Variants in CSMD1 observed in about 807,000 individuals in gnomAD.
The protein encoded by CSMD1 is CUB and Sushi multiple domains 1.
A neutral mutation model predicts 417.5 loss-of-function variants in CSMD1; 213 were observed. That is an observed-to-expected ratio of 0.51 (90% CI 0.46 to 0.57). The LOEUF is 0.57. Ranked by LOEUF, CSMD1 falls within the 20% of genes least tolerant of loss-of-function variation. The pLI is 0.00. For synonymous variants in CSMD1, 2,862 were observed against 1,736.8 expected, an observed-to-expected ratio of 1.65 and a Z score of -16.11; for missense variants, 6,923 against 4,529.7, an observed-to-expected ratio of 1.53 and a Z score of -15.17.
intron 3 of CSMD1, among the ~76,000 whole-genome samples, chr8:4,364,999 C>G (rs890375630): frequency 5.3e-5 from 8 of 152,106 alleles, no homozygotes; most frequent in African/African-American, 1.4e-4. Flanking sequence ...CATTTATATT[C>G]TAATGGAACT....
At chr8:4,644,234 A>G (rs1051945527) in intron 1 of CSMD1, among the ~76,000 whole-genome samples, 3 of 152,100 alleles carry the variant, frequency 2.0e-5, no homozygotes, top group Non-Finnish European at 4.4e-5. Context: ...TTCCTTGAAC[A>G]CACCACGCTT....
chr8:3,689,643 C>T (rs1800130213), intron 7 of CSMD1, among the ~76,000 whole-genome samples: 1 of 152,130 alleles, frequency 6.6e-6, no homozygotes, highest in African/African-American at 2.4e-5. Flanking sequence ...TGTGGCAGGC[C>T]TGGTTCTGAA....
Position 3,081,143 on chromosome 8 carries a change from G to C in CSMD1, c.7474+5954C>G, listed in dbSNP as rs1420209909. Reference sequence around the variant, plus strand: ...ATCCACATGGTTTATAAGATTGGTAGCTGGAGGGCCTAAAAGAGAATGAGC... The same window carrying C: ...ATCCACATGGTTTATAAGATTGGTACCTGGAGGGCCTAAAAGAGAATGAGC... On this transcript the variant is annotated intron_variant, in intron 49 of 69. Transcript: ENST00000635120. Among the ~76,000 whole-genome samples, 3 of 152,316 alleles carry C rather than the reference G, an allele frequency of 2.0e-5. No homozygotes were observed. In the East Asian group the frequency reaches 5.8e-4, roughly 29 times the overall value.
chr8:3,546,582 C>G (rs1798674329), intron 10 of CSMD1, among the ~76,000 whole-genome samples: 1 of 151,862 alleles, frequency 6.6e-6, no homozygotes, highest in African/African-American at 2.4e-5. Flanking sequence ...TTGTTCTCCT[C>G]ACAGTACTGA....
intron 1 of CSMD1, among the ~76,000 whole-genome samples, chr8:4,932,280 A>G (rs1236389635): frequency 6.6e-6 from 1 of 152,090 alleles, no homozygotes; most frequent in African/African-American, 2.4e-5. Flanking sequence ...AATTTTACAT[A>G]AAATTGTCTT....
intron 1 of CSMD1, among the ~76,000 whole-genome samples, chr8:4,794,727 A>T (rs1250254510): frequency 1.3e-5 from 2 of 152,230 alleles, no homozygotes; most frequent in African/African-American, 4.8e-5. Flanking sequence ...TTCTCAGGAA[A>T]AAAGCTCTGA....
intron 2 of CSMD1, among the ~76,000 whole-genome samples, chr8:4,545,669 G>T (rs950359682): frequency 2.0e-5 from 3 of 152,152 alleles, no homozygotes; most frequent in Non-Finnish European, 4.4e-5. Flanking sequence ...TTCCCAGTGT[G>T]CAGTGAGACA....
chr8:4,894,079 C>G (rs1804313784), intron 1 of CSMD1, among the ~76,000 whole-genome samples: 1 of 152,030 alleles, frequency 6.6e-6, no homozygotes, highest in South Asian at 2.1e-4. Flanking sequence ...TGAATTTTAA[C>G]TAGCTTACCA....
chr8:3,941,120 C>G (rs1303134818), intron 5 of CSMD1, among the ~76,000 whole-genome samples: 3 of 151,718 alleles, frequency 2.0e-5, no homozygotes, highest in Admixed American at 1.3e-4. Flanking sequence ...ATAAAAATAA[C>G]TCATATGTAT....
intron 1 of CSMD1, among the ~76,000 whole-genome samples, chr8:4,711,513 C>T (rs1354112458): frequency 6.7e-6 from 1 of 150,120 alleles, no homozygotes; most frequent in African/African-American, 2.5e-5. Flanking sequence ...ATTTTTGGGA[C>T]ATCTGTCCTG....
intron 5 of CSMD1, among the ~76,000 whole-genome samples, chr8:3,863,582 C>G (rs947295902): frequency 6.6e-6 from 1 of 152,094 alleles, no homozygotes; most frequent in African/African-American, 2.4e-5. Context: ...AAAATATAAT[C>G]TAAGCCTGAC....
intron 5 of CSMD1, among the ~76,000 whole-genome samples, chr8:3,845,409 C>A (rs948526842): frequency 3.9e-5 from 6 of 152,126 alleles, no homozygotes; most frequent in South Asian, 2.1e-4. Context: ...AATGGTTACA[C>A]AGTGATAGAT....
At chr8:3,604,490 G>A (rs1443313659) in intron 8 of CSMD1, among the ~76,000 whole-genome samples, 1 of 152,144 alleles carries the variant, frequency 6.6e-6, no homozygotes, top group Non-Finnish European at 1.5e-5. Context: ...TCATAGAAAT[G>A]AAGACGTGCT....
chr8:3,013,727 G>C (rs965888464), intron 52 of CSMD1, among the ~76,000 whole-genome samples: 7 of 150,778 alleles, frequency 4.6e-5, no homozygotes, highest in Non-Finnish European at 7.4e-5. Flanking sequence ...ACTCAGCCTG[G>C]GCAACTGAGA....
At chr8:4,511,884 G>T (rs553979509) in intron 2 of CSMD1, among the ~76,000 whole-genome samples, 1 of 152,116 alleles carries the variant, frequency 6.6e-6, no homozygotes, top group Non-Finnish European at 1.5e-5. Context: ...CCTGCTTCCA[G>T]CTTGGGGAGG....
intron 2 of CSMD1, among the ~76,000 whole-genome samples, chr8:4,469,272 C>T (rs1800378739): frequency 6.6e-6 from 1 of 152,186 alleles, no homozygotes; most frequent in Non-Finnish European, 1.5e-5. Context: ...GCAGCAAAGA[C>T]ACTATGATTG....
chr8:2,969,266 C>G (rs1804230017), intron 57 of CSMD1, among the ~76,000 whole-genome samples: 1 of 152,136 alleles, frequency 6.6e-6, no homozygotes, highest in Non-Finnish European at 1.5e-5. Flanking sequence ...CATCATCACT[C>G]TTACTTATTG....
chr8:4,634,083 C>G (rs1199482796), intron 2 of CSMD1, among the ~76,000 whole-genome samples: 2 of 151,224 alleles, frequency 1.3e-5, no homozygotes, highest in Non-Finnish European at 2.9e-5. Context: ...GTCCAAATTT[C>G]TTCCCTGTGC....
At position 3,752,637 on chromosome 8, in the gene CSMD1, G is replaced by C. The variant is rs73188904; in HGVS notation, c.931+1293C>G. Among the ~76,000 whole-genome samples, 222 of 125,900 alleles carry C rather than the reference G, an allele frequency of 1.8e-3. 1 individual carries two copies. The highest frequency in any genetic ancestry group is 2.4e-3 in the Non-Finnish European group (153 of 64,188). 82.6% of individuals were successfully genotyped at this position (125,900 alleles called of 152,430 possible). ...CCACTGCACTCCAGCCCAGACAACA[G>C]AGCAAGACTCTGTCCACTGCCACCC... On this transcript the variant is annotated intron_variant, in intron 6 of 69. Coordinates refer to ENST00000635120, the MANE Select transcript of CSMD1 (RefSeq NM_033225.6).
Sources: gnomAD v4.1 joint callset for allele counts (sites outside exome capture counted in the v4.1 genomes callset) on GRCh38, gnomAD v4.1.1 for gene constraint, MANE v1.5 for transcripts, NCBI Gene and HGNC (gene_info 2026-07-23, HGNC 2026-07-21) for gene names.